The following PTPRH variants were observed in gnomAD, a reference collection of about 807,000 sequenced individuals.
PTPRH encodes the protein protein tyrosine phosphatase receptor type H.
In PTPRH, 113 loss-of-function variants were observed where a neutral mutation model predicts 130.2. The ratio of observed to expected loss-of-function variants is 0.87; its 90% confidence interval spans 0.75 to 1.01. The LOEUF (loss-of-function observed/expected upper bound fraction) is 1.01, where lower values mean the gene tolerates loss of function less well. PTPRH is among the 50% of genes least tolerant of loss of function. The pLI is 0.00. For missense variants in PTPRH, 1,430 were observed against 1,425.0 expected, an observed-to-expected ratio of 1.00 and a Z score of -0.06; for synonymous variants, 556 against 577.9, an observed-to-expected ratio of 0.96 and a Z score of 0.54.
chr19:55,192,023 T>C (rs1456324554), intron 10 of PTPRH: 1 of 569,576 alleles, frequency 1.8e-6, no homozygotes, highest in Non-Finnish European at 3.3e-6. Flanking sequence ...TATGATGATC[T>C]ACTTAATAAA....
At chr19:55,196,855 C>G (rs947100809) in intron 9 of PTPRH, 67 bp from the exon 10 acceptor site, 36 of 1,551,166 alleles carry the variant, frequency 2.3e-5, no homozygotes, top group Non-Finnish European at 2.7e-5. Context: ...CCACCCCTAC[C>G]CCCAGTTTTC....
chr19:55,201,738 CA>C (rs1407617095), intron 6 of PTPRH, among the ~76,000 whole-genome samples: 4 of 152,310 alleles, frequency 2.6e-5, no homozygotes, highest in Admixed American at 2.6e-4. Flanking sequence ...TCCCCACTCA[CA>C]GTATCTAATT....
rs769903333 is a variant in PTPRH at position 55,196,686 on chromosome 19, A to C, written c.2093T>G (p.Leu698Trp). 4.3e-6 allele frequency: 7 copies of C among 1,613,948 alleles called. No individual in the cohort carries two copies. In the South Asian group the frequency reaches 6.6e-5, roughly 15 times the overall value. ...GGAGCCCCGCTGTCCTCCCACCTCC[A>C]ACTCAAAGGCCTCGTAGCCTCCCTG... ...CPQGGYEAFE[L>W]EVGGQRGSQD... Residue 698 changes from leucine (L) to tryptophan (W), a missense_variant, in exon 10 of 20, where the codon TTG becomes TGG. Coordinates refer to ENST00000376350, the MANE Select transcript of PTPRH (RefSeq NM_002842.5).
intron 5 of PTPRH, among the ~76,000 whole-genome samples, chr19:55,202,662 T>C (rs199643446): frequency 4.0e-5 from 6 of 149,786 alleles, no homozygotes; most frequent in Admixed American, 6.6e-5. Context: ...TACATACACA[T>C]ATATATATAT....
chr19:55,182,678 G>A (rs573098650), intron 18 of PTPRH, among the ~76,000 whole-genome samples: 1 of 152,322 alleles, frequency 6.6e-6, no homozygotes, highest in East Asian at 1.9e-4. Context: ...TGGAGGCTGA[G>A]TGAGGTGAAG....
intron 5 of PTPRH, among the ~76,000 whole-genome samples, chr19:55,203,154 C>T (rs1303213597): frequency 1.3e-5 from 2 of 151,368 alleles, no homozygotes; most frequent in East Asian, 4.0e-4. Flanking sequence ...CGGTGAAACC[C>T]GTCTCTACTA....
rs146515465 is a variant in PTPRH at position 55,205,391 on chromosome 19, G to A, written c.554C>T (p.Ala185Val). The part of the protein sequence containing the change: ...VDGLEPGCLY[A>V]FSMWVGKNGI... ...ATTCTTTCCCACCCACATGGAAAACGCATACAAACACCCGGGTTCAAGTCC... is the reference window on the plus strand; with the variant it reads ...ATTCTTTCCCACCCACATGGAAAACACATACAAACACCCGGGTTCAAGTCC... Residue 185 changes from alanine (A) to valine (V), a missense_variant, in exon 4 of 20, where the codon GCG (alanine) becomes GTG (valine). Physicochemically the swap from Ala to Val is moderately conservative, Grantham distance 64. Coordinates refer to ENST00000376350, the MANE Select transcript of PTPRH (RefSeq NM_002842.5). 89 of 1,614,032 alleles carry A rather than the reference G, an allele frequency of 5.5e-5. No homozygotes were observed. The highest frequency in any genetic ancestry group is 1.0e-4 in the Admixed American group (6 of 59,994).
chr19:55,194,519 C>G (rs1347552758), intron 10 of PTPRH, among the ~76,000 whole-genome samples: 1 of 152,140 alleles, frequency 6.6e-6, no homozygotes, highest in Non-Finnish European at 1.5e-5. Context: ...CAGTCTCTCT[C>G]CAGATTGGAG....
chr19:55,204,616 T>C (rs550132464), intron 4 of PTPRH, among the ~76,000 whole-genome samples: 20 of 150,272 alleles, frequency 1.3e-4, no homozygotes, highest in Admixed American at 4.0e-4. Flanking sequence ...CCCACCAGTG[T>C]CACTTGCCAA....
Position 55,209,411 on chromosome 19 carries a change from AG to A in PTPRH, c.22del (p.Leu8SerfsTer29). 6.4e-7 allele frequency: 1 copy of A among 1,559,346 alleles called. No individual in the cohort carries two copies. MAGAGGG[L>X]GVWGNLVLLG... ...CAGCACCAGGTTCCCCCAGACCCCG[AG>A]GCCCCCGCCAGCCCCAGCCATGCCT... On this transcript the variant is annotated frameshift_variant, in exon 1 of 20. Transcript: ENST00000376350. LOFTEE classifies it high-confidence loss of function. The surrounding 1 kb of genome is among the most constrained non-coding windows in gnomAD (Gnocchi z 4.1).
intron 8 of PTPRH, among the ~76,000 whole-genome samples, chr19:55,197,983 C>T (rs1295681403): frequency 6.6e-6 from 1 of 152,118 alleles, no homozygotes; most frequent in Non-Finnish European, 1.5e-5. Flanking sequence ...GAGGCCGAGG[C>T]GGGAGGATCA....
rs779809219 is a variant in PTPRH at position 55,206,940 on chromosome 19, C to T, written c.101G>A (p.Arg34Lys). 18 of 1,599,708 alleles carry T rather than the reference C, an allele frequency of 1.1e-5. No homozygotes were observed. In the East Asian group the frequency reaches 2.2e-4, roughly 20 times the overall value. Residue 34 changes from arginine to lysine, a missense_variant, in exon 3 of 20, where the codon AGG becomes AAG. Arg to Lys is a conservative substitution (Grantham distance 26, BLOSUM62 2). Transcript: ENST00000376350. ...GARAPAPNPG[R>K]NLTVETQTTS... The stretch of plus-strand genomic sequence containing the variant: ...GGTCTGAGTCTCCACTGTCAGGTTC[C>T]TCCCTGGGTTGGGGGCTGAGAATTG...
Position 55,206,935 on chromosome 19 carries a change from G to C in PTPRH, c.106C>G (p.Leu36Val), listed in dbSNP as rs2087083305. ...CTGGTGGTCTGAGTCTCCACTGTCA[G>C]GTTCCTCCCTGGGTTGGGGGCTGAG... is the stretch of plus-strand genomic sequence containing the variant. ...RAPAPNPGRN[L>V]TVETQTTSSI... Residue 36 changes from leucine to valine, a missense_variant, in exon 3 of 20, where the codon CTG becomes GTG. Transcript: ENST00000376350. 6.2e-7 allele frequency: 1 copy of C among 1,603,416 alleles called. No individual in the cohort carries two copies. The highest frequency in any genetic ancestry group is 1.7e-5 in the Admixed American group (1 of 59,280).
Position 55,181,651 on chromosome 19 carries a change from C to T in PTPRH, c.*103G>A. On this transcript the variant is annotated 3_prime_UTR_variant, in exon 20 of 20. Coordinates refer to ENST00000376350, the MANE Select transcript of PTPRH (RefSeq NM_002842.5). ...ACCAGCCCCCTCCTCCCACAGCACC[C>T]AGGAGTCTGGGAGCCCAGCCCTCTG... 1 of 1,497,074 alleles carries T rather than the reference C, an allele frequency of 6.7e-7. No homozygotes were observed. 92.7% of individuals were successfully genotyped at this position (1,497,074 alleles called of 1,614,324 possible).
chr19:55,196,938 G>A (rs1368533596), intron 9 of PTPRH, 150 bp from the exon 10 acceptor site: 2 of 1,232,420 alleles, frequency 1.6e-6, no homozygotes, highest in Non-Finnish European at 2.2e-6. Flanking sequence ...CTCCCCGAAT[G>A]GACACAAATA....
chr19:55,184,744 G>A (rs562306870), intron 18 of PTPRH, among the ~76,000 whole-genome samples: 6 of 151,666 alleles, frequency 4.0e-5, no homozygotes, highest in South Asian at 2.1e-4. Flanking sequence ...CTGAGATTGC[G>A]CCATTGCACT....
At position 55,206,901 on chromosome 19, in the gene PTPRH, G is replaced by C. The variant is rs753284000; in HGVS notation, c.140C>G (p.Ser47Cys). The change falls in exon 3 of 20, where the codon TCC becomes TGC. Residue 47 changes from serine (S) to cysteine (C), a missense_variant. Physicochemically the swap from Ser to Cys is moderately radical, Grantham distance 112 (BLOSUM62 -1). Coordinates refer to ENST00000376350, the MANE Select transcript of PTPRH (RefSeq NM_002842.5). ...GCCATCGGGGACCTCCCAGCTCAGGGAGATGGAGCTGGTGGTCTGAGTCTC... is the reference window on the plus strand; with the variant it reads ...GCCATCGGGGACCTCCCAGCTCAGGCAGATGGAGCTGGTGGTCTGAGTCTC... ...TVETQTTSSI[S>C]LSWEVPDGLD... 5.3e-5 allele frequency: 86 copies of C among 1,612,556 alleles called. No homozygotes were observed. Among genetic ancestry groups the C allele is most frequent in the Non-Finnish European group, 6.9e-5 (81 of 1,178,914 alleles).
intron 10 of PTPRH, among the ~76,000 whole-genome samples, chr19:55,192,771 C>T (rs1460092791): frequency 6.6e-6 from 1 of 151,486 alleles, no homozygotes. Context: ...CAGGGTGGTC[C>T]TGATCTCCTG....
intron 10 of PTPRH, among the ~76,000 whole-genome samples, chr19:55,192,401 C>T (rs1431760565): frequency 6.6e-6 from 1 of 151,730 alleles, no homozygotes; most frequent in East Asian, 1.9e-4. Flanking sequence ...GACTCTGTCT[C>T]AAAAACAAAC....
Sources: gnomAD v4.1 joint callset for allele counts (sites outside exome capture counted in the v4.1 genomes callset) on GRCh38, gnomAD v4.1.1 for gene constraint, Gnocchi (gnomAD v3.1) non-coding constraint, MANE v1.5 for transcripts, NCBI Gene and HGNC (gene_info 2026-07-23, HGNC 2026-07-21) for gene names.